Variants in CSNK1G1 observed in about 807,000 individuals in gnomAD.
CSNK1G1 encodes casein kinase 1 gamma 1, also known as casein kinase I isoform gamma-1.
A neutral mutation model predicts 59.6 loss-of-function variants in CSNK1G1; 22 were observed. That is an observed-to-expected ratio of 0.37 (90% CI 0.26 to 0.53). The LOEUF (loss-of-function observed/expected upper bound fraction) is 0.53. Among genes scored for constraint, CSNK1G1 ranks in the 20% least tolerant of loss-of-function variants. The pLI, the probability that CSNK1G1 is intolerant of heterozygous loss-of-function variation, is 0.89. For missense variants in CSNK1G1, 384 were observed against 519.5 expected, an observed-to-expected ratio of 0.74 and a Z score of 2.54; for synonymous variants, 179 against 177.1, an observed-to-expected ratio of 1.01 and a Z score of -0.08.
At position 64,339,698 on chromosome 15, in the gene CSNK1G1, AATTAAG is replaced by A. The variant is rs1391266882; in HGVS notation, c.-225+16284_-225+16289del. Among the ~76,000 whole-genome samples, 5 of 152,356 alleles carry A rather than the reference AATTAAG, an allele frequency of 3.3e-5. No individual in the cohort carries two copies. In the South Asian group the frequency reaches 8.3e-4, roughly 25 times the overall value. Reference sequence around the variant, plus strand: ...TCTAATAAGAGAACTTTAATTATGTAATTAAGATTAAAGCAAAAGAAACAGGAGGAG... The same window carrying A: ...TCTAATAAGAGAACTTTAATTATGTAATTAAAGCAAAAGAAACAGGAGGAG... On this transcript the variant is annotated intron_variant, in intron 1 of 11. Coordinates refer to ENST00000303052, the MANE Select transcript of CSNK1G1 (RefSeq NM_022048.5).
intron 4 of CSNK1G1, among the ~76,000 whole-genome samples, chr15:64,222,328 ACAC>A (rs2082398527): frequency 6.6e-6 from 1 of 151,478 alleles, no homozygotes; most frequent in Non-Finnish European, 1.5e-5. Context: ...TAGGTGTAGC[ACAC>A]CACCATGGCA....
At chr15:64,317,796 C>T (rs1435855640) in intron 1 of CSNK1G1, among the ~76,000 whole-genome samples, 1 of 152,294 alleles carries the variant, frequency 6.6e-6, no homozygotes, top group East Asian at 1.9e-4. Flanking sequence ...CCACATTCAG[C>T]CTCATGTCTG....
intron 10 of CSNK1G1, among the ~76,000 whole-genome samples, chr15:64,189,881 C>T (rs1222972643): frequency 6.7e-6 from 1 of 148,892 alleles, no homozygotes; most frequent in Non-Finnish European, 1.5e-5. Context: ...TGCAGTGGCG[C>T]ATTCTCGGCT....
At chr15:64,196,410 T>C (rs1391090236) in intron 10 of CSNK1G1, among the ~76,000 whole-genome samples, 1 of 151,584 alleles carries the variant, frequency 6.6e-6, no homozygotes, top group Non-Finnish European at 1.5e-5. Flanking sequence ...ACAAGGAAAA[T>C]AGGATTCTTG....
chr15:64,212,293 A>G (rs1343494612), intron 6 of CSNK1G1, among the ~76,000 whole-genome samples: 1 of 152,202 alleles, frequency 6.6e-6, no homozygotes, highest in Non-Finnish European at 1.5e-5. Context: ...TTCAAATCGA[A>G]TTGTATCATA....
At chr15:64,239,591 C>T (rs1407851017) in intron 4 of CSNK1G1, among the ~76,000 whole-genome samples, 1 of 152,100 alleles carries the variant, frequency 6.6e-6, no homozygotes, top group African/African-American at 2.4e-5. Flanking sequence ...GTTCCCTAGG[C>T]TGATCTCAAA....
chr15:64,244,925 G>A (rs1891671135), intron 4 of CSNK1G1, among the ~76,000 whole-genome samples: 1 of 152,090 alleles, frequency 6.6e-6, no homozygotes, highest in Non-Finnish European at 1.5e-5. Context: ...GCATGTTACT[G>A]GCATAAACAG....
chr15:64,324,046 A>G (rs1896707767), intron 1 of CSNK1G1, among the ~76,000 whole-genome samples: 1 of 152,184 alleles, frequency 6.6e-6, no homozygotes, highest in South Asian at 2.1e-4. Flanking sequence ...ACAGATGAGG[A>G]AACCAAGTAA....
chr15:64,184,807 T>C (rs994075689), intron 10 of CSNK1G1, among the ~76,000 whole-genome samples: 24 of 152,192 alleles, frequency 1.6e-4, no homozygotes, highest in African/African-American at 5.6e-4. Context: ...GCATTACTCA[T>C]GAGAAAGACT....
intron 2 of CSNK1G1, among the ~76,000 whole-genome samples, chr15:64,277,747 A>G (rs1194067927): frequency 2.9e-5 from 2 of 68,816 alleles, no homozygotes; most frequent in African/African-American, 1.1e-4. Flanking sequence ...ATATTGATAT[A>G]TTTAATAATA....
At chr15:64,245,851 G>A (rs1191061385) in intron 4 of CSNK1G1, among the ~76,000 whole-genome samples, 1 of 152,102 alleles carries the variant, frequency 6.6e-6, no homozygotes, top group African/African-American at 2.4e-5. Flanking sequence ...AATAAGGTAG[G>A]CAGGGAAAGA....
chr15:64,183,398 C>T (rs895960615), intron 10 of CSNK1G1, among the ~76,000 whole-genome samples: 2 of 152,170 alleles, frequency 1.3e-5, no homozygotes, highest in Non-Finnish European at 2.9e-5. Flanking sequence ...AAAAACATAC[C>T]TAAGACTTAA....
intron 4 of CSNK1G1, among the ~76,000 whole-genome samples, chr15:64,241,504 A>G (rs1194594415): frequency 6.6e-6 from 1 of 152,218 alleles, no homozygotes; most frequent in Non-Finnish European, 1.5e-5. Context: ...GCTTCAGAGT[A>G]TATACTTTTC....
intron 1 of CSNK1G1, among the ~76,000 whole-genome samples, chr15:64,321,461 CTA>C (rs1455493136): frequency 1.3e-5 from 2 of 151,912 alleles, no homozygotes; most frequent in Non-Finnish European, 2.9e-5. Context: ...CTAGGTTGTG[CTA>C]TGTTTGCCCA....
intron 1 of CSNK1G1, among the ~76,000 whole-genome samples, chr15:64,301,570 T>C (rs1813770764): frequency 6.6e-6 from 1 of 152,188 alleles, no homozygotes; most frequent in African/African-American, 2.4e-5. Context: ...TATTTCACTT[T>C]CATAAATGTT....
rs1218085247 is a variant in CSNK1G1 at position 64,229,018 on chromosome 15, C to CAAAAAA, written c.293-12311_293-12306dup. 4.9e-3 allele frequency among the ~76,000 whole-genome samples: 301 copies of CAAAAAA among 62,004 alleles called. 3 individuals carry two copies. Among genetic ancestry groups the CAAAAAA allele is most frequent in the Middle Eastern group, 9.1e-3 (1 of 110 alleles). 40.7% of individuals were successfully genotyped at this position (62,004 alleles called of 152,430 possible). On this transcript the variant is annotated intron_variant, in intron 4 of 11. Transcript: ENST00000303052. ...TGGGCGACAGAGTGAGACTCTGTCT[C>CAAAAAA]AAAAAAAAAAAAAAAAAAAAGAAAA...
chr15:64,188,254 GAT>G lies in CSNK1G1; in HGVS notation c.1108-7802_1108-7801del, dbSNP rs2081924198. On this transcript the variant is annotated intron_variant, in intron 10 of 11. Transcript: ENST00000303052. This position sits in a 1 kb window ranked among gnomAD's most constrained non-coding sequence, Gnocchi z 4.2. ...TCCACCTAGACAGAAAATCTACAGA[GAT>G]ATTCAATTAGCCCTTCCTGTAAGCT... 5 of 648,888 alleles carry G rather than the reference GAT, an allele frequency of 7.7e-6. No individual in the cohort carries two copies. Among genetic ancestry groups the G allele is most frequent in the Middle Eastern group, 3.7e-4 (1 of 2,674 alleles). The allele number at this position is 648,888 out of a possible 1,614,324, so 40.2% of individuals were successfully genotyped here. A position where few individuals can be genotyped will look rare whatever the true frequency, so the allele number is the denominator to read the frequency against.
At chr15:64,189,082 C>T (rs1156638748) in intron 10 of CSNK1G1, among the ~76,000 whole-genome samples, 3 of 152,054 alleles carry the variant, frequency 2.0e-5, no homozygotes, top group South Asian at 2.1e-4. Context: ...GCCAAGATCG[C>T]GCCACTGCAC....
chr15:64,266,320 C>G (rs1892985189), intron 2 of CSNK1G1, among the ~76,000 whole-genome samples: 1 of 152,082 alleles, frequency 6.6e-6, no homozygotes, highest in South Asian at 2.1e-4. Flanking sequence ...TCGTGATCCA[C>G]CCGCCTTGGC....
Sources: gnomAD v4.1 joint callset for allele counts (sites outside exome capture counted in the v4.1 genomes callset) on GRCh38, gnomAD v4.1.1 for gene constraint, Gnocchi (gnomAD v3.1) non-coding constraint, MANE v1.5 for transcripts, NCBI Gene and HGNC (gene_info 2026-07-23, HGNC 2026-07-21) for gene names.